The following DGKB variants were observed in gnomAD, a reference collection of about 807,000 sequenced individuals.
DGKB encodes the protein 90 kDa diacylglycerol kinase.
Under a neutral mutation model 114.3 loss-of-function variants are expected in DGKB, and 67 were observed. That is an observed-to-expected ratio of 0.59 (90% CI 0.48 to 0.72). The LOEUF is 0.72. Among genes scored for constraint, DGKB ranks in the 30% least tolerant of loss-of-function variants. The pLI, the probability that DGKB is intolerant of heterozygous loss-of-function variation, is 0.00. For missense variants in DGKB, 907 were observed against 975.2 expected, an observed-to-expected ratio of 0.93 and a Z score of 0.93; for synonymous variants, 398 against 323.1, an observed-to-expected ratio of 1.23 and a Z score of -2.49.
intron 1 of DGKB, among the ~76,000 whole-genome samples, chr7:14,955,118 C>T (rs11981599): frequency 6.5e-4 from 99 of 151,910 alleles, no homozygotes; most frequent in African/African-American, 2.2e-3. Context: ...GAGACCAACA[C>T]TATAAAAAAA....
At chr7:14,483,175 T>C (rs866191748) in intron 20 of DGKB, among the ~76,000 whole-genome samples, 4 of 152,178 alleles carry the variant, frequency 2.6e-5, no homozygotes, top group Non-Finnish European at 5.9e-5. Context: ...GGTAACTTTT[T>C]TTACAGAAGT....
intron 1 of DGKB, among the ~76,000 whole-genome samples, chr7:14,955,345 C>G (rs552121051): frequency 2.0e-5 from 3 of 151,956 alleles, no homozygotes; most frequent in Non-Finnish European, 4.4e-5. Context: ...GAATCTCATT[C>G]TCTTTCAATT....
intron 23 of DGKB, among the ~76,000 whole-genome samples, chr7:14,305,155 T>C (rs2128494744): frequency 6.6e-6 from 1 of 152,266 alleles, no homozygotes; most frequent in Non-Finnish European, 1.5e-5. Context: ...TCTTCTCTCC[T>C]AGTGATTTTG....
At chr7:14,631,224 G>A (rs1298336688) in intron 13 of DGKB, among the ~76,000 whole-genome samples, 7 of 138,860 alleles carry the variant, frequency 5.0e-5, no homozygotes, top group African/African-American at 1.9e-4. Context: ...TATTATTATA[G>A]TCCCTTACCC....
At chr7:14,332,057 A>G (rs1809813813) in intron 23 of DGKB, among the ~76,000 whole-genome samples, 1 of 152,194 alleles carries the variant, frequency 6.6e-6, no homozygotes, top group African/African-American at 2.4e-5. Context: ...TTTACAGTAA[A>G]GTATTTCCAC....
rs183278315 is a variant in DGKB at position 14,854,376 on chromosome 7, C to A, written c.-187-12926G>T. ...TGCCACAACGTTTATTATAGTAGAT[C>A]AGCAGTCCCCAACCTTTTTGGCACC... On this transcript the variant is annotated intron_variant, in intron 1 of 25. Transcript: ENST00000402815. Among the ~76,000 whole-genome samples the A allele has an allele frequency of 2.3e-3, 349 of 152,268 alleles. 1 individual carries two copies. The highest frequency in any genetic ancestry group is 6.8e-3 in the Middle Eastern group (2 of 294).
chr7:14,824,723 T>C (rs1032279782), intron 2 of DGKB, among the ~76,000 whole-genome samples: 1 of 151,964 alleles, frequency 6.6e-6, no homozygotes, highest in Non-Finnish European at 1.5e-5. Flanking sequence ...TTATGTACAT[T>C]TACCCTTTTA....
At chr7:14,549,345 T>G (rs538646826) in intron 20 of DGKB, among the ~76,000 whole-genome samples, 1 of 152,240 alleles carries the variant, frequency 6.6e-6, no homozygotes, top group South Asian at 2.1e-4. Context: ...GTTCTGCAAA[T>G]GGTGAAGTGG....
chr7:14,480,608 T>A (rs1248271783), intron 20 of DGKB, among the ~76,000 whole-genome samples: 1 of 152,208 alleles, frequency 6.6e-6, no homozygotes, highest in East Asian at 1.9e-4. Flanking sequence ...TTAAAATAAA[T>A]TTTACCATTT....
intron 1 of DGKB, among the ~76,000 whole-genome samples, chr7:14,908,372 C>T (rs1332503166): frequency 6.6e-6 from 1 of 152,160 alleles, no homozygotes. Context: ...CATATTTACA[C>T]AGAGCCCTGC....
chr7:14,848,146 A>G (rs72595980), intron 1 of DGKB, among the ~76,000 whole-genome samples: 11,002 of 152,246 alleles, frequency 0.072, 789 homozygotes, highest in East Asian at 0.35. Flanking sequence ...GGGAAGACCA[A>G]TTAAGAGGCT....
At chr7:14,944,903 A>G (rs1283224435) in intron 1 of DGKB, among the ~76,000 whole-genome samples, 1 of 151,868 alleles carries the variant, frequency 6.6e-6, no homozygotes, top group Non-Finnish European at 1.5e-5. Flanking sequence ...AAATCTTAGA[A>G]TCAGAATAAT....
At chr7:14,868,338 T>C (rs1851974934) in intron 1 of DGKB, among the ~76,000 whole-genome samples, 1 of 86,270 alleles carries the variant, frequency 1.2e-5, no homozygotes, top group African/African-American at 4.4e-5. Context: ...TCTTTCCTTT[T>C]CATTTTTTTT....
chr7:14,571,164 T>C (rs1484384604), intron 20 of DGKB, among the ~76,000 whole-genome samples: 2 of 152,196 alleles, frequency 1.3e-5, no homozygotes, highest in Non-Finnish European at 2.9e-5. Flanking sequence ...AAATGAGAAA[T>C]GTTTATTTAG....
intron 1 of DGKB, among the ~76,000 whole-genome samples, chr7:14,956,168 T>A (rs116660601): frequency 6.6e-6 from 1 of 151,952 alleles, no homozygotes; most frequent in African/African-American, 2.4e-5. Flanking sequence ...ATTTTTCAAA[T>A]AGAGATTAGG....
At chr7:14,885,435 G>A (rs1854890904) in intron 1 of DGKB, among the ~76,000 whole-genome samples, 1 of 151,882 alleles carries the variant, frequency 6.6e-6, no homozygotes, top group African/African-American at 2.4e-5. Flanking sequence ...GTTTCTTGGA[G>A]AGAGTGAGAA....
At chr7:14,259,312 A>G (rs976912643) in intron 23 of DGKB, among the ~76,000 whole-genome samples, 13 of 114,810 alleles carry the variant, frequency 1.1e-4, no homozygotes, top group Non-Finnish European at 2.0e-4. Flanking sequence ...AACAAGGTCT[A>G]TTAAGTTAAC....
chr7:14,578,431 G>T (rs1358215302), intron 19 of DGKB, among the ~76,000 whole-genome samples: 2 of 152,102 alleles, frequency 1.3e-5, no homozygotes, highest in African/African-American at 2.4e-5. Context: ...TAAGTAACTT[G>T]CTCAAAGTTA....
chr7:14,630,401 T>G, intron 13 of DGKB, 133 bp from the exon 14 acceptor site: 1 of 554,758 alleles, frequency 1.8e-6, no homozygotes. Context: ...TGGTATAATT[T>G]TACTGCTTCC....
Sources: gnomAD v4.1 joint callset for allele counts (sites outside exome capture counted in the v4.1 genomes callset) on GRCh38, gnomAD v4.1.1 for gene constraint, MANE v1.5 for transcripts, NCBI Gene and HGNC (gene_info 2026-07-23, HGNC 2026-07-21) for gene names.